SLC7A6: variants seen among roughly 807,000 people sequenced by gnomAD.
The protein encoded by SLC7A6 is Y+L amino acid transporter 2.
Under a neutral mutation model 46.6 loss-of-function variants are expected in SLC7A6, and 29 were observed. That is an observed-to-expected ratio of 0.62 (90% confidence interval 0.46 to 0.85). The LOEUF is 0.85. Among genes scored for constraint, SLC7A6 ranks in the 40% least tolerant of loss-of-function variants. The probability of loss-of-function intolerance (pLI) is 0.00; values close to 1 mark genes in which losing one functional copy is unlikely to be tolerated. For synonymous variants in SLC7A6, 276 were observed against 257.3 expected (o/e 1.07, Z -0.70); for missense variants, 527 against 647.6 (o/e 0.81, Z 2.02).
At chr16:68,275,488 G>C (rs1024710237) in intron 3 of SLC7A6, among the ~76,000 whole-genome samples, 1 of 151,374 alleles carries the variant, frequency 6.6e-6, no homozygotes, top group Non-Finnish European at 1.5e-5. Context: ...CCAGCTACTC[G>C]GGAGGCTGAG....
At chr16:68,293,155 C>G (rs1051266884) in intron 7 of SLC7A6, among the ~76,000 whole-genome samples, 1 of 152,178 alleles carries the variant, frequency 6.6e-6, no homozygotes, top group Non-Finnish European at 1.5e-5. Flanking sequence ...GGGGCTCACA[C>G]CTGTAATCCC....
At chr16:68,295,539 T>G (rs2043144828) in intron 8 of SLC7A6, among the ~76,000 whole-genome samples, 2 of 152,314 alleles carry the variant, frequency 1.3e-5, no homozygotes, top group South Asian at 4.1e-4. Flanking sequence ...GAGCTGCCAC[T>G]TCAGTCTCCC....
Position 68,291,266 on chromosome 16 carries a change from G to C in SLC7A6, c.852G>C (p.Leu284=), listed in dbSNP as rs1195235553. 1.9e-6 allele frequency: 3 copies of C among 1,614,070 alleles called. No individual in the cohort carries two copies. In the East Asian group the frequency reaches 6.7e-5, roughly 36 times the overall value. The change falls in exon 6 of 11, where the codon CTG becomes CTC. Residue 284 remains leucine, a synonymous_variant. Coordinates refer to ENST00000219343, the MANE Select transcript of SLC7A6 (RefSeq NM_003983.6). ...CAATTGTGACGCTCATCTACATCCT[G>C]ACCAATGTGGCCTATTACACAGTGC... ...SMPIVTLIYI[L]TNVAYYTVLN... is the part of the protein sequence containing the mutation.
At chr16:68,291,751 T>C (rs2043054371) in intron 7 of SLC7A6, 90 bp downstream of exon 7, 2 of 845,170 alleles carry the variant, frequency 2.4e-6, no homozygotes, top group East Asian at 2.7e-5. Flanking sequence ...CTCCTTCTCA[T>C]GGGCATATAG....
rs1212179890 is a variant in SLC7A6, at chr16:68,294,929, TTTG to T, written c.1119+133_1119+135del. 3 of 628,450 alleles carry T rather than the reference TTTG, an allele frequency of 4.8e-6. No individual in the cohort carries two copies. In the East Asian group the frequency reaches 8.3e-5, roughly 17 times the overall value. The allele number at this position is 628,450 out of a possible 1,614,324, so 38.9% of individuals were successfully genotyped here. On this transcript the variant is annotated intron_variant, in intron 8 of 10. Coordinates refer to ENST00000219343, the MANE Select transcript of SLC7A6 (RefSeq NM_003983.6). ...CTAAGATGTGAAAAACAGTTCATTT[TTTG>T]TTGTCATTTAATTCTTTTATGGTTT...
At chr16:68,272,287 G>A (rs1256931951) in intron 2 of SLC7A6, among the ~76,000 whole-genome samples, 1 of 151,998 alleles carries the variant, frequency 6.6e-6, no homozygotes, top group Non-Finnish European at 1.5e-5. Flanking sequence ...ATAAATAGCT[G>A]GGCATGGTGG....
At chr16:68,286,967 C>T (rs1328793839) in intron 3 of SLC7A6, among the ~76,000 whole-genome samples, 1 of 150,828 alleles carries the variant, frequency 6.6e-6, no homozygotes, top group Non-Finnish European at 1.5e-5. Flanking sequence ...AATTGTCAGG[C>T]ATATAACAGA....
rs909181087 is a variant in SLC7A6 at position 68,264,629 on chromosome 16, C to A, written c.-166+53C>A. ...GCCGGGAGCGGGGCCGGGGCTGGGC[C>A]GCGTTCTGTGGGAGCCGAACCCTGT... On this transcript the variant is annotated intron_variant, in intron 1 of 10. Transcript: ENST00000219343. This position sits in a 1 kb window ranked among gnomAD's most constrained non-coding sequence, Gnocchi z 5.8. The A allele has an allele frequency of 6.6e-6, 1 of 152,080 alleles. No individual in the cohort carries two copies. The highest frequency in any genetic ancestry group is 2.0e-4 in the South Asian group (1 of 5,100). 9.4% of individuals were successfully genotyped at this position (152,080 alleles called of 1,614,324 possible). A position where few individuals can be genotyped will look rare whatever the true frequency, so the allele number is the denominator to read the frequency against.
intron 2 of SLC7A6, among the ~76,000 whole-genome samples, chr16:68,269,107 T>G (rs2042582444): frequency 6.6e-6 from 1 of 152,238 alleles, no homozygotes; most frequent in Non-Finnish European, 1.5e-5. Flanking sequence ...CTTTCTCCAT[T>G]TTGACCCTTT....
intron 3 of SLC7A6, among the ~76,000 whole-genome samples, chr16:68,278,859 G>A (rs1160832037): frequency 2.0e-5 from 3 of 152,118 alleles, no homozygotes; most frequent in African/African-American, 4.8e-5. Flanking sequence ...GCCGGGCAGA[G>A]GGGCTCCTCA....
chr16:68,269,195 TCAAA>T (rs1056258955), intron 2 of SLC7A6, among the ~76,000 whole-genome samples: 1 of 152,192 alleles, frequency 6.6e-6, no homozygotes, highest in African/African-American at 2.4e-5. Context: ...CTTAAATGTA[TCAAA>T]CACAATTATT....
In SLC7A6 at chr16:68,275,754, A is replaced by C. The variant is rs144647106; in HGVS notation, c.523+505A>C. On this transcript the variant is annotated intron_variant, in intron 3 of 10. Coordinates refer to ENST00000219343, the MANE Select transcript of SLC7A6 (RefSeq NM_003983.6). ...AAGGATGGGGATGGGAGAAGTTTGA[A>C]TCTGTTCGTGGCTTTTGGTGCCTCA... Among the ~76,000 whole-genome samples the C allele has an allele frequency of 3.2e-3, 486 of 152,154 alleles. 4 individuals carry two copies. Among genetic ancestry groups the C allele is most frequent in the Non-Finnish European group, 4.3e-3 (289 of 67,994 alleles).
At chr16:68,271,086 G>A (rs2042616678) in intron 2 of SLC7A6, among the ~76,000 whole-genome samples, 1 of 152,080 alleles carries the variant, frequency 6.6e-6, no homozygotes, top group Non-Finnish European at 1.5e-5. Flanking sequence ...CTGGGCTCAA[G>A]CAATCCTCTT....
chr16:68,268,781 G>A (rs1314120104), intron 2 of SLC7A6, among the ~76,000 whole-genome samples: 1 of 152,090 alleles, frequency 6.6e-6, no homozygotes, highest in Non-Finnish European at 1.5e-5. Context: ...CGAGGCAGGC[G>A]GATCACCTGA....
At chr16:68,296,338 C>T in intron 8 of SLC7A6, 26 bp from the exon 9 acceptor site, 1 of 1,613,184 alleles carries the variant, frequency 6.2e-7, no homozygotes. Flanking sequence ...ACGATGCTCA[C>T]CTGTCTCCCC....
chr16:68,297,433 C>T lies in SLC7A6; in HGVS notation c.*105C>T. 1.1e-6 allele frequency: 1 copy of T among 935,286 alleles called. No individual in the cohort carries two copies. The allele number at this position is 935,286 out of a possible 1,614,324, so 57.9% of individuals were successfully genotyped here. A position where few individuals can be genotyped will look rare whatever the true frequency, so the allele number is the denominator to read the frequency against. On this transcript the variant is annotated 3_prime_UTR_variant, in exon 11 of 11. Coordinates refer to ENST00000219343, the MANE Select transcript of SLC7A6 (RefSeq NM_003983.6). ...CTCCTGAATTAAAGGAGCCTTTTGA[C>T]CCAATCATATAGTGGGGCTCAGGGC...
intron 2 of SLC7A6, among the ~76,000 whole-genome samples, chr16:68,273,267 C>T (rs2042651910): frequency 6.6e-6 from 1 of 152,174 alleles, no homozygotes; most frequent in South Asian, 2.1e-4. Flanking sequence ...GGGCACATCA[C>T]ATACACATTT....
intron 4 of SLC7A6, 112 bp downstream of exon 4, chr16:68,287,983 T>TACATA: frequency 7.0e-7 from 1 of 1,438,736 alleles, no homozygotes; most frequent in Non-Finnish European, 9.4e-7. Context: ...TGCTAGCATG[T>TACATA]GTCAGTGAGT....
rs1464152038 is a variant in SLC7A6, at chr16:68,300,506, T to A, written c.*3178T>A. The A allele has an allele frequency of 1.6e-6, 1 of 623,328 alleles. No homozygotes were observed. The highest frequency in any genetic ancestry group is 2.0e-6 in the Non-Finnish European group (1 of 499,196). The allele number at this position is 623,328 out of a possible 1,614,324, so 38.6% of individuals were successfully genotyped here. On this transcript the variant is annotated 3_prime_UTR_variant, in exon 11 of 11. Coordinates refer to ENST00000219343, the MANE Select transcript of SLC7A6 (RefSeq NM_003983.6). Reference sequence around the variant, plus strand: ...AGTTCAGAAGGTACTTTGTTTTTCCTCCCTTGCCTTAAGTCCTTGGTATTT... The same window carrying A: ...AGTTCAGAAGGTACTTTGTTTTTCCACCCTTGCCTTAAGTCCTTGGTATTT...
Sources: gnomAD v4.1 joint callset for allele counts (sites outside exome capture counted in the v4.1 genomes callset) on GRCh38, gnomAD v4.1.1 for gene constraint, Gnocchi (gnomAD v3.1) non-coding constraint, MANE v1.5 for transcripts, NCBI Gene and HGNC (gene_info 2026-07-23, HGNC 2026-07-21) for gene names.